ANKRD24: variants seen among roughly 807,000 people sequenced by gnomAD.
The protein encoded by ANKRD24 is ankyrin repeat domain 24.
A neutral mutation model predicts 127.8 loss-of-function variants in ANKRD24; 109 were observed. That is an observed-to-expected ratio of 0.85 (90% confidence interval 0.73 to 1.00). The LOEUF is 1.00. Ranked by LOEUF, ANKRD24 falls within the 50% of genes least tolerant of loss-of-function variation. ANKRD24 has a pLI of 0.00. For synonymous variants in ANKRD24, 743 were observed against 671.1 expected (o/e 1.11, Z -1.66); for missense variants, 1,648 against 1,570.2 (o/e 1.05, Z -0.84).
chr19:4,219,295 C>G (rs1970314596), intron 18 of ANKRD24, among the ~76,000 whole-genome samples: 1 of 144,758 alleles, frequency 6.9e-6, no homozygotes, highest in Non-Finnish European at 1.5e-5. Flanking sequence ...CAAAAAAAAA[C>G]AAAAACAAAA....
At chr19:4,212,386 TG>T in intron 13 of ANKRD24, 88 bp from the exon 14 acceptor site, 1 of 1,438,442 alleles carries the variant, frequency 7.0e-7, no homozygotes, top group South Asian at 1.3e-5. Flanking sequence ...AATGCGTGAA[TG>T]TGCATGGAAT....
rs1279042973 is a variant in ANKRD24, at chr19:4,217,770, G to A, written c.2610G>A (p.Ala870=). The change falls in exon 18 of 22, where the codon GCG becomes GCA. Residue 870 remains alanine (A), a synonymous_variant. Coordinates refer to ENST00000318934, the MANE Select transcript of ANKRD24 (RefSeq NM_001393985.1). ...CCACGGGGGAGCAGCAGCGCACGGCGGCCGCGGAACTGGGCCGGGCACGGG... is the reference window on the plus strand; with the variant it reads ...CCACGGGGGAGCAGCAGCGCACGGCAGCCGCGGAACTGGGCCGGGCACGGG... ...ARATGEQQRT[A]AAELGRARDA... The A allele has an allele frequency of 8.4e-6, 11 of 1,303,836 alleles. No individual in the cohort carries two copies. Among genetic ancestry groups the A allele is most frequent in the East Asian group, 3.4e-5 (1 of 29,082 alleles). The allele number at this position is 1,303,836 out of a possible 1,614,324, so 80.8% of individuals were successfully genotyped here. A position where few individuals can be genotyped will look rare whatever the true frequency, so the allele number is the denominator to read the frequency against.
Position 4,217,977 on chromosome 19 carries a change from G to T in ANKRD24, c.2817G>T (p.Glu939Asp). The change falls in exon 18 of 22, where the codon GAG becomes GAT. Residue 939 changes from glutamate to aspartate, a missense_variant. Transcript: ENST00000318934. ...LRGRAASLEQ[E>D]VVATGKEAAR... is the part of the protein sequence containing the mutation. Reference sequence around the variant, plus strand: ...GCCGGGCAGCCAGTCTGGAGCAGGAGGTGGTGGCCACGGGCAAGGAGGCCG... The same window carrying T: ...GCCGGGCAGCCAGTCTGGAGCAGGATGTGGTGGCCACGGGCAAGGAGGCCG... 1 of 1,521,832 alleles carries T rather than the reference G, an allele frequency of 6.6e-7. No individual in the cohort carries two copies. The highest frequency in any genetic ancestry group is 8.8e-7 in the Non-Finnish European group (1 of 1,142,188). The allele number at this position is 1,521,832 out of a possible 1,614,324, so 94.3% of individuals were successfully genotyped here.
intron 7 of ANKRD24, among the ~76,000 whole-genome samples, chr19:4,203,528 T>C (rs1205405923): frequency 6.6e-6 from 1 of 151,996 alleles, no homozygotes; most frequent in Non-Finnish European, 1.5e-5. Flanking sequence ...TTAAATTTAT[T>C]TGTAGATACA....
intron 13 of ANKRD24, among the ~76,000 whole-genome samples, chr19:4,211,437 G>A (rs1037755180): frequency 2.0e-5 from 3 of 151,900 alleles, no homozygotes; most frequent in African/African-American, 4.8e-5. Flanking sequence ...TCAGGAGTTC[G>A]AGACCAGCCT....
chr19:4,222,213 AC>A (rs1346460536), intron 19 of ANKRD24, among the ~76,000 whole-genome samples: 7 of 152,080 alleles, frequency 4.6e-5, no homozygotes, highest in Non-Finnish European at 7.4e-5. Context: ...ACATGGCGAA[AC>A]CCCGTCTCTA....
intron 20 of ANKRD24, 26 bp from the exon 21 acceptor site, chr19:4,224,101 T>C: frequency 6.2e-7 from 1 of 1,607,920 alleles, no homozygotes; most frequent in Non-Finnish European, 8.5e-7. Context: ...CCTGCTCTTC[T>C]GAGCGCCCCT....
In ANKRD24 at chr19:4,195,797, A is replaced by G. The variant is rs141571560; in HGVS notation, c.37-3886A>G. Reference sequence around the variant, plus strand: ...TAATCCCAGCTACTCGGGAAGCTGAAGCAGGAGAATTGCTTGAACCCGGGA... The same window carrying G: ...TAATCCCAGCTACTCGGGAAGCTGAGGCAGGAGAATTGCTTGAACCCGGGA... On this transcript the variant is annotated intron_variant, in intron 2 of 21. Coordinates refer to ENST00000318934, the MANE Select transcript of ANKRD24 (RefSeq NM_001393985.1). This position sits in a 1 kb window ranked among gnomAD's most constrained non-coding sequence, Gnocchi z 4.2. 1.6e-4 allele frequency among the ~76,000 whole-genome samples: 25 copies of G among 152,270 alleles called. No individual in the cohort carries two copies. The highest frequency in any genetic ancestry group is 6.0e-4 in the African/African-American group (25 of 41,566).
intron 18 of ANKRD24, among the ~76,000 whole-genome samples, chr19:4,219,187 G>A (rs760641013): frequency 2.2e-4 from 33 of 152,112 alleles, no homozygotes; most frequent in Non-Finnish European, 4.4e-4. Flanking sequence ...TGGGGAGGCT[G>A]AGGCAGGAGA....
Position 4,224,203 on chromosome 19 carries a change from C to T in ANKRD24, c.3363+11C>T. The stretch of plus-strand genomic sequence containing the variant: ...CTATATGCCATTCAGGTGAGTGGCC[C>T]AGCTCCTGGGTACCCGGTGGCTTTG... On this transcript the variant is annotated intron_variant, in intron 21 of 21. Coordinates refer to ENST00000318934, the MANE Select transcript of ANKRD24 (RefSeq NM_001393985.1). 1 of 1,606,996 alleles carries T rather than the reference C, an allele frequency of 6.2e-7. No individual in the cohort carries two copies. Among genetic ancestry groups the T allele is most frequent in the South Asian group, 1.1e-5 (1 of 89,910 alleles).
Position 4,210,342 on chromosome 19 carries a change from G to T in ANKRD24, c.1029G>T (p.Leu343=). The T allele has an allele frequency of 6.4e-7, 1 of 1,573,178 alleles. No individual in the cohort carries two copies. Among genetic ancestry groups the T allele is most frequent in the Non-Finnish European group, 8.6e-7 (1 of 1,159,876 alleles). ...RGRLLQKIRG[L]EQHKERRQQE... ...GCCTCCTGCAGAAGATCCGGGGCCT[G>T]GAACAGCACAAGGAACGGAGGCAGC... Residue 343 remains leucine (L), a synonymous_variant, in exon 13 of 22, where the codon CTG becomes CTT. Coordinates refer to ENST00000318934, the MANE Select transcript of ANKRD24 (RefSeq NM_001393985.1).
At chr19:4,185,587 G>A (rs1043417621) in intron 1 of ANKRD24, among the ~76,000 whole-genome samples, 10 of 152,176 alleles carry the variant, frequency 6.6e-5, no homozygotes, top group African/African-American at 2.2e-4. Flanking sequence ...CATGCGGAAC[G>A]TAGAACAGGC....
At position 4,195,832 on chromosome 19, in the gene ANKRD24, T is replaced by C. The variant is rs1483342825; in HGVS notation, c.37-3851T>C. Among the ~76,000 whole-genome samples, 1 of 152,082 alleles carries C rather than the reference T, an allele frequency of 6.6e-6. No individual in the cohort carries two copies. Among genetic ancestry groups the C allele is most frequent in the Non-Finnish European group, 1.5e-5 (1 of 68,004 alleles). On this transcript the variant is annotated intron_variant, in intron 2 of 21. Coordinates refer to ENST00000318934, the MANE Select transcript of ANKRD24 (RefSeq NM_001393985.1). This position sits in a 1 kb window ranked among gnomAD's most constrained non-coding sequence, Gnocchi z 4.2. ...TTGCTTGAACCCGGGAGGCAGAGCT[T>C]GCAGTGAGCCGAGATCGCACCACTG... is the stretch of plus-strand genomic sequence containing the variant.
chr19:4,203,258 A>G (rs1042192841), intron 7 of ANKRD24, among the ~76,000 whole-genome samples: 1 of 152,208 alleles, frequency 6.6e-6, no homozygotes, highest in Non-Finnish European at 1.5e-5. Flanking sequence ...CATGGTGGCC[A>G]GGATGGTCTC....
Position 4,218,066 on chromosome 19 carries a change from G to C in ANKRD24, c.2906G>C (p.Arg969Pro). Residue 969 changes from arginine (R) to proline (P), a missense_variant, in exon 18 of 22, where the codon CGC becomes CCC. Transcript: ENST00000318934. ...AGCGTGGCGCTCTCGGAGCACGAAC[G>C]CATCGTGGGCACCCTGCAGGCCAAC... The part of the protein sequence containing the change: ...VCSVALSEHE[R>P]IVGTLQANVA... 1 of 1,556,682 alleles carries C rather than the reference G, an allele frequency of 6.4e-7. No homozygotes were observed. The highest frequency in any genetic ancestry group is 1.2e-5 in the South Asian group (1 of 83,958).
At chr19:4,214,188 A>G (rs1271008500) in intron 15 of ANKRD24, among the ~76,000 whole-genome samples, 1 of 151,248 alleles carries the variant, frequency 6.6e-6, no homozygotes, top group Non-Finnish European at 1.5e-5. Context: ...TTTTTTTGAG[A>G]CAGGGTCTTG....
chr19:4,218,224 A>G, intron 18 of ANKRD24, 61 bp downstream of exon 18: 1 of 1,381,814 alleles, frequency 7.2e-7, no homozygotes, highest in South Asian at 1.6e-5. Context: ...GGCCTGTTTT[A>G]GCCCCGCAGC....
intron 2 of ANKRD24, among the ~76,000 whole-genome samples, chr19:4,193,005 A>G (rs906310799): frequency 6.6e-6 from 1 of 151,922 alleles, no homozygotes; most frequent in Non-Finnish European, 1.5e-5. Context: ...GTAGTATCTT[A>G]GGTGGTGATA....
In ANKRD24 at chr19:4,219,643, AG is replaced by A. The variant is rs1185143914; in HGVS notation, c.3057del (p.Gln1019HisfsTer54). ...AGTGAGCGACACGCAGCCGAGGCACAGCTGGCCACAGCAGAGCAGCAGCTAC... is the reference window on the plus strand; with the variant it reads ...AGTGAGCGACACGCAGCCGAGGCACACTGGCCACAGCAGAGCAGCAGCTAC... Reference protein sequence around the residue: ...MKSERHAAEAQLATAEQQLRG... With the variant: ...MKSERHAAEAXLATAEQQLRG... On this transcript the variant is annotated frameshift_variant, in exon 19 of 22. Coordinates refer to ENST00000318934, the MANE Select transcript of ANKRD24 (RefSeq NM_001393985.1). LOFTEE classifies it high-confidence loss of function. The A allele has an allele frequency of 6.2e-7, 1 of 1,613,826 alleles. No homozygotes were observed.
Sources: allele counts gnomAD v4.1 joint callset (sites outside exome capture counted in the v4.1 genomes callset), GRCh38; gene constraint gnomAD v4.1.1; non-coding constraint Gnocchi (gnomAD v3.1); transcripts MANE v1.5; gene names NCBI Gene and HGNC (gene_info 2026-07-23, HGNC 2026-07-21).